Variants in CHD6 observed in about 807,000 individuals in gnomAD.
CHD6 encodes the protein chromodomain helicase DNA binding protein 6.
A neutral mutation model predicts 276.9 loss-of-function variants in CHD6; 50 were observed. That is an observed-to-expected ratio of 0.18 (90% confidence interval 0.14 to 0.23). The LOEUF is 0.23. CHD6 is among the 10% of genes least tolerant of loss of function. The pLI is 1.00. For missense variants in CHD6, 2,564 were observed against 3,365.8 expected (o/e 0.76, Z 5.89); for synonymous variants, 1,173 against 1,229.3 (o/e 0.95, Z 0.96).
chr20:41,551,094 A>G (rs987163637), intron 2 of CHD6, among the ~76,000 whole-genome samples: 1 of 152,246 alleles, frequency 6.6e-6, no homozygotes, highest in Non-Finnish European at 1.5e-5. Context: ...TACAGTTTTC[A>G]TTACATTTAC....
At chr20:41,549,498 T>TGGGGGGA (rs1160339454) in intron 2 of CHD6, among the ~76,000 whole-genome samples, 1 of 62,212 alleles carries the variant, frequency 1.6e-5, no homozygotes, top group Non-Finnish European at 2.9e-5. Context: ...TGTTGTGGGG[T>TGGGGGGA]GGGGGGAGGG....
chr20:41,616,419 G>C (rs972054451), intron 1 of CHD6, among the ~76,000 whole-genome samples: 3 of 152,136 alleles, frequency 2.0e-5, no homozygotes, highest in South Asian at 2.1e-4. Context: ...ACTCAATTTC[G>C]CAACAGATCT....
In CHD6 at chr20:41,533,207, C is replaced by T; in HGVS notation, c.397G>A (p.Ala133Thr). Residue 133 changes from alanine to threonine, a missense_variant, in exon 3 of 37, where the codon GCC becomes ACC. Ala to Thr is a moderately conservative substitution (Grantham distance 58). Transcript: ENST00000373233. ...TCCTTGGCCTTCTTCGGCTCCTTGG[C>T]CTTTCTGGGTTCCTTTGGCTCTTTC... The part of the protein sequence containing the change: ...EPKEPKEPRK[A>T]KEPKKAKEHK... The T allele has an allele frequency of 6.2e-7, 1 of 1,613,760 alleles. No homozygotes were observed. The highest frequency in any genetic ancestry group is 1.7e-5 in the Admixed American group (1 of 60,002).
chr20:41,404,475 G>C lies in CHD6; in HGVS notation c.*118C>G. The C allele has an allele frequency of 7.2e-7, 1 of 1,384,378 alleles. No individual in the cohort carries two copies. The highest frequency in any genetic ancestry group is 2.5e-5 in the East Asian group (1 of 40,224). 85.8% of individuals were successfully genotyped at this position (1,384,378 alleles called of 1,614,324 possible). A position where few individuals can be genotyped will look rare whatever the true frequency, so the allele number is the denominator to read the frequency against. Reference sequence around the variant, plus strand: ...ACCATAGTTCTCAGACAGGAAATCAGGTACGTAATCTTACTTATGGAAACA... The same window carrying C: ...ACCATAGTTCTCAGACAGGAAATCACGTACGTAATCTTACTTATGGAAACA... On this transcript the variant is annotated 3_prime_UTR_variant, in exon 37 of 37. Coordinates refer to ENST00000373233, the MANE Select transcript of CHD6 (RefSeq NM_032221.5).
rs142957133 is a variant in CHD6 at position 41,586,152 on chromosome 20, T to C, written c.-24+32188A>G. ...CCCCTTTGGGTCCCCTCCCATTGTA[T>C]GGGAGCTCTGTTTTCACTCTTATTA... is the stretch of plus-strand genomic sequence containing the variant. On this transcript the variant is annotated intron_variant, in intron 1 of 36. Transcript: ENST00000373233. Among the ~76,000 whole-genome samples the C allele has an allele frequency of 5.0e-3, 765 of 152,316 alleles. 24 individuals carry two copies. Among genetic ancestry groups the C allele is most frequent in the Admixed American group, 0.042 (640 of 15,296 alleles).
At chr20:41,529,338 C>A (rs1232483102) in intron 3 of CHD6, among the ~76,000 whole-genome samples, 1 of 152,124 alleles carries the variant, frequency 6.6e-6, no homozygotes, top group African/African-American at 2.4e-5. Flanking sequence ...CTGAAAACCA[C>A]AATTAATGAC....
intron 1 of CHD6, among the ~76,000 whole-genome samples, chr20:41,606,311 A>C (rs2045827535): frequency 6.6e-6 from 1 of 152,176 alleles, no homozygotes; most frequent in African/African-American, 2.4e-5. Flanking sequence ...GGAGATCAAG[A>C]CCACCCTGGC....
chr20:41,606,658 G>GA (rs2045832430), intron 1 of CHD6, among the ~76,000 whole-genome samples: 1 of 145,484 alleles, frequency 6.9e-6, no homozygotes, highest in South Asian at 2.2e-4. Flanking sequence ...CTGGGCAACA[G>GA]AGCAAGACTC....
intron 23 of CHD6, among the ~76,000 whole-genome samples, chr20:41,448,940 C>T (rs1214018933): frequency 1.6e-4 from 24 of 148,572 alleles, no homozygotes; most frequent in African/African-American, 4.2e-4. Flanking sequence ...TTGCTCTTGT[C>T]GCCCAGGCTG....
intron 27 of CHD6, among the ~76,000 whole-genome samples, chr20:41,435,963 G>A (rs1013136562): frequency 2.0e-5 from 3 of 152,078 alleles, no homozygotes; most frequent in South Asian, 2.1e-4. Flanking sequence ...CCACAAATAT[G>A]CCAAACTGAT....
intron 3 of CHD6, among the ~76,000 whole-genome samples, chr20:41,527,151 A>G (rs1157564713): frequency 6.6e-6 from 1 of 152,198 alleles, no homozygotes; most frequent in Non-Finnish European, 1.5e-5. Flanking sequence ...TAAAAGCAAC[A>G]TTCAGGCTGG....
At chr20:41,450,919 C>A (rs764636350) in intron 23 of CHD6, 27 bp downstream of exon 23, 3 of 1,594,116 alleles carry the variant, frequency 1.9e-6, no homozygotes, top group Admixed American at 3.4e-5. Context: ...GGGCTGCCAC[C>A]AGGGTATGGG....
chr20:41,550,461 G>C (rs1274003257), intron 2 of CHD6, among the ~76,000 whole-genome samples: 1 of 152,152 alleles, frequency 6.6e-6, no homozygotes, highest in South Asian at 2.1e-4. Context: ...AGACCAGGGG[G>C]TAGTCCTTGT....
intron 26 of CHD6, among the ~76,000 whole-genome samples, chr20:41,437,605 G>A (rs1192612168): frequency 6.6e-6 from 1 of 152,146 alleles, no homozygotes; most frequent in Non-Finnish European, 1.5e-5. Context: ...TTTATACAGG[G>A]TTTGGTACTA....
intron 1 of CHD6, among the ~76,000 whole-genome samples, chr20:41,615,462 C>A (rs2045926154): frequency 6.6e-6 from 1 of 152,068 alleles, no homozygotes; most frequent in Non-Finnish European, 1.5e-5. Flanking sequence ...TGCAGGCAAT[C>A]CTATGGAATT....
chr20:41,525,008 T>C lies in CHD6; in HGVS notation c.554+8042A>G, dbSNP rs138658718. ...TCCTCTACGGTCTTGGGGTCTTCAG[T>C]AGACTGATTTCCTATTGAAAATCAA... On this transcript the variant is annotated intron_variant, in intron 3 of 36. Coordinates refer to ENST00000373233, the MANE Select transcript of CHD6 (RefSeq NM_032221.5). 5.6e-4 allele frequency among the ~76,000 whole-genome samples: 85 copies of C among 152,364 alleles called. No homozygotes were observed. In the East Asian group the frequency reaches 0.014, roughly 25 times the overall value.
chr20:41,613,332 A>AAG (rs1202115618), intron 1 of CHD6, among the ~76,000 whole-genome samples: 1 of 152,258 alleles, frequency 6.6e-6, no homozygotes. Flanking sequence ...AGCAGTATTC[A>AAG]AAGCAAGAAA....
At chr20:41,405,795 A>G (rs1227481717) in intron 36 of CHD6, among the ~76,000 whole-genome samples, 1 of 151,992 alleles carries the variant, frequency 6.6e-6, no homozygotes. Context: ...CTGGCAGAAG[A>G]GAGTGGGGAG....
chr20:41,487,442 T>C (rs2043443158), intron 14 of CHD6, among the ~76,000 whole-genome samples: 2 of 152,182 alleles, frequency 1.3e-5, no homozygotes, highest in South Asian at 2.1e-4. Context: ...TTTGGGCGCA[T>C]AAGATATTTT....
Sources: gnomAD v4.1 joint callset for allele counts (sites outside exome capture counted in the v4.1 genomes callset) on GRCh38, gnomAD v4.1.1 for gene constraint, MANE v1.5 for transcripts, NCBI Gene and HGNC (gene_info 2026-07-23, HGNC 2026-07-21) for gene names.